The following EML2 variants were observed in gnomAD, a reference collection of about 807,000 sequenced individuals.
EML2 encodes EMAP like 2.
A neutral mutation model predicts 84.7 loss-of-function variants in EML2; 59 were observed. The observed-to-expected ratio is 0.70, with a 90% confidence interval of 0.56 to 0.86. The LOEUF is 0.86. EML2 is among the 40% of genes least tolerant of loss of function. EML2 has a pLI of 0.00. For synonymous variants in EML2, 352 were observed against 348.9 expected, an observed-to-expected ratio of 1.01 and a Z score of -0.10; for missense variants, 818 against 855.6, an observed-to-expected ratio of 0.96 and a Z score of 0.55.
chr19:45,632,976 A>T lies in EML2; in HGVS notation c.400-5T>A. ...GCGCACGTGGGGCGGCAGCGGCTGC[A>T]GGGAAGAGAGGCTTGTTACCTTGGG... On this transcript the variant is annotated splice_region_variant and splice_polypyrimidine_tract_variant and intron_variant, in intron 5 of 18. Transcript: ENST00000245925. 6.2e-7 allele frequency: 1 copy of T among 1,613,014 alleles called. No homozygotes were observed. Among genetic ancestry groups the T allele is most frequent in the Non-Finnish European group, 8.5e-7 (1 of 1,179,732 alleles).
At chr19:45,639,236 G>T in intron 1 of EML2, 121 bp downstream of exon 1, 1 of 1,040,386 alleles carries the variant, frequency 9.6e-7, no homozygotes, top group Non-Finnish European at 1.3e-6. Flanking sequence ...GAAACGGGGA[G>T]AGTTTAAGGG....
upstream of EML2, among the ~76,000 whole-genome samples, chr19:45,643,159 A>G (rs1190283524): frequency 2.6e-5 from 4 of 152,184 alleles, no homozygotes; most frequent in Non-Finnish European, 5.9e-5. Context: ...TCTGTTATGA[A>G]TACCAACGTC....
upstream of EML2, chr19:45,641,405 C>A (rs1336015260): frequency 5.7e-6 from 3 of 530,266 alleles, no homozygotes; most frequent in Non-Finnish European, 1.0e-5. Flanking sequence ...GTAGACCTGA[C>A]CGTCCAGCTT....
At chr19:45,617,043 C>G (rs1219577358) in intron 13 of EML2, among the ~76,000 whole-genome samples, 190 bp from the exon 14 acceptor site, 1 of 152,076 alleles carries the variant, frequency 6.6e-6, no homozygotes, top group Non-Finnish European at 1.5e-5. Context: ...GTCAAGAGTT[C>G]GAAATCAGCC....
chr19:45,643,534 G>T (rs752066378), upstream of EML2: 177 of 1,535,322 alleles, frequency 1.2e-4, no homozygotes, highest in African/African-American at 5.1e-4. Flanking sequence ...GAGGGGCGGA[G>T]ACCGAAGTGG....
At chr19:45,609,887 C>CT (rs368671855) in intron 18 of EML2, 99 bp from the exon 19 acceptor site, 114,073 of 1,061,640 alleles carry the variant, frequency 0.11, 1 homozygote, top group Non-Finnish European at 0.12. Flanking sequence ...TGCTCTTCCT[C>CT]TTTTTTTTTT....
intron 7 of EML2, among the ~76,000 whole-genome samples, chr19:45,628,391 C>T (rs1241326753): frequency 6.6e-6 from 1 of 150,804 alleles, no homozygotes; most frequent in Non-Finnish European, 1.5e-5. Flanking sequence ...AAAAGTGAGG[C>T]TCAGAGAGGG....
In EML2 at chr19:45,615,790, C is replaced by T. The variant is rs780523457; in HGVS notation, c.1597+12G>A. 7.4e-6 allele frequency: 12 copies of T among 1,610,784 alleles called. No homozygotes were observed. In the African/African-American group the frequency reaches 1.2e-4, roughly 16 times the overall value. On this transcript the variant is annotated intron_variant, in intron 16 of 18. Coordinates refer to ENST00000245925, the MANE Select transcript of EML2 (RefSeq NM_012155.4). ...CGGAGGAAGTAATGTCTCTGGGTCC[C>T]GGAGAACTCACAGTACAGAATCTCA...
In EML2 at chr19:45,616,530, G is replaced by T. The variant is rs1259378437; in HGVS notation, c.1440C>A (p.His480Gln). ...PDGAYLAVGS[H>Q]DNLVYVYTVD... ...CCGTGTACACGTACACCAAGTTGTC[G>T]TGGGAGCCCACGGCCAGGTACGCCC... Residue 480 changes from histidine to glutamine, a missense_variant, in exon 15 of 19, where the codon CAC becomes CAA. His to Gln is a conservative substitution (Grantham distance 24). Transcript: ENST00000245925. The T allele has an allele frequency of 6.2e-7, 1 of 1,610,868 alleles. No homozygotes were observed. Among genetic ancestry groups the T allele is most frequent in the Middle Eastern group, 1.7e-4 (1 of 6,056 alleles).
chr19:45,643,766 T>A, upstream of EML2: 2 of 1,496,256 alleles, frequency 1.3e-6, no homozygotes, highest in African/African-American at 1.4e-5. Context: ...CGTAGCCCAA[T>A]CGCCTGCCGA....
chr19:45,617,556 G>C, intron 13 of EML2, 74 bp downstream of exon 13: 1 of 1,359,522 alleles, frequency 7.4e-7, no homozygotes, highest in Non-Finnish European at 1.0e-6. Flanking sequence ...ATTTGGGAAA[G>C]TAGGAAAGAG....
At position 45,628,397 on chromosome 19, in the gene EML2, G is replaced by A. The variant is rs140507001; in HGVS notation, c.606+1554C>T. ...AGAAAAAAAAAAAGTGAGGCTCAGA[G>A]AGGGTAAACCATTTGCCTAAGGCCA... On this transcript the variant is annotated intron_variant, in intron 7 of 18. Transcript: ENST00000245925. Among the ~76,000 whole-genome samples, 1,403 of 151,614 alleles carry A rather than the reference G, an allele frequency of 9.3e-3. 28 individuals carry two copies. The highest frequency in any genetic ancestry group is 8.0e-3 in the Non-Finnish European group (543 of 67,852).
Position 45,609,562 on chromosome 19 carries a change from T to TC in EML2, c.*100dup, listed in dbSNP as rs780236516. 2.1e-4 allele frequency: 136 copies of TC among 655,800 alleles called. No individual in the cohort carries two copies. Among genetic ancestry groups the TC allele is most frequent in the Non-Finnish European group, 2.7e-4 (130 of 479,272 alleles). 40.6% of individuals were successfully genotyped at this position (655,800 alleles called of 1,614,324 possible). On this transcript the variant is annotated 3_prime_UTR_variant, in exon 19 of 19. Coordinates refer to ENST00000245925, the MANE Select transcript of EML2 (RefSeq NM_012155.4). ...CTACCCTCCCGCCCCCATAACCCCC[T>TC]CTGCTATAGACATACTCTGGGTATA...
intron 3 of EML2, among the ~76,000 whole-genome samples, chr19:45,635,361 A>T (rs575768626): frequency 6.0e-5 from 9 of 151,074 alleles, no homozygotes; most frequent in Non-Finnish European, 1.3e-4. Flanking sequence ...GTGGTCTCCA[A>T]CTCCTGACCT....
rs1372617918 is a variant in EML2 at position 45,613,617 on chromosome 19, T to G, written c.1748A>C (p.His583Pro). The change falls in exon 18 of 19, where the codon CAT becomes CCT. Residue 583 changes from histidine (H) to proline (P), a missense_variant. Transcript: ENST00000245925. ...GTDINAVARSHDGKLLASADD... is the reference protein window; with the variant it reads ...GTDINAVARSPDGKLLASADD... ...AGCTGAAGCCAGCAACTTCCCATCA[T>G]GAGAGCGGGCCACAGCGTTGATATC... 3.7e-6 allele frequency: 6 copies of G among 1,614,130 alleles called. No homozygotes were observed. The highest frequency in any genetic ancestry group is 4.2e-6 in the Non-Finnish European group (5 of 1,180,024).
chr19:45,641,603 T>C, upstream of EML2: 1 of 1,527,490 alleles, frequency 6.5e-7, no homozygotes, highest in Non-Finnish European at 8.8e-7. Flanking sequence ...ATTTCCTCCC[T>C]ATCTCTTTCT....
At chr19:45,616,191 GA>G in intron 15 of EML2, 1 of 549,638 alleles carries the variant, frequency 1.8e-6, no homozygotes, top group South Asian at 2.3e-5. Flanking sequence ...GGGCTACACA[GA>G]GGGGCGGTCT....
At chr19:45,620,137 G>A (rs536602877) in intron 11 of EML2, among the ~76,000 whole-genome samples, 21 of 151,866 alleles carry the variant, frequency 1.4e-4, no homozygotes, top group African/African-American at 4.1e-4. Flanking sequence ...TTTTTTAGAC[G>A]GAATCTCACT....
chr19:45,641,747 T>C (rs1321686576), upstream of EML2: 1 of 1,535,912 alleles, frequency 6.5e-7, no homozygotes, highest in African/African-American at 1.4e-5. Context: ...CGGCGGACAC[T>C]GCTAAAAGAG....
Sources: gnomAD v4.1 joint callset for allele counts (sites outside exome capture counted in the v4.1 genomes callset) on GRCh38, gnomAD v4.1.1 for gene constraint, MANE v1.5 for transcripts, NCBI Gene and HGNC (gene_info 2026-07-23, HGNC 2026-07-21) for gene names.